KDM4C: variants seen among roughly 807,000 people sequenced by gnomAD.
KDM4C encodes the protein lysine demethylase 4C.
Under a neutral mutation model 129.3 loss-of-function variants are expected in KDM4C, and 81 were observed. The observed-to-expected ratio is 0.63, with a 90% CI of 0.52 to 0.75. KDM4C has a LOEUF of 0.75. KDM4C is among the 30% of genes least tolerant of loss of function. The probability of loss-of-function intolerance (pLI) is 0.00; values close to 1 mark genes in which losing one functional copy is unlikely to be tolerated. For missense variants in KDM4C, 1,457 were observed against 1,304.0 expected (o/e 1.12, Z -1.81); for synonymous variants, 573 against 456.1 (o/e 1.26, Z -3.26).
chr9:6,795,778 C>T (rs1288987086), intron 2 of KDM4C, among the ~76,000 whole-genome samples: 2 of 151,504 alleles, frequency 1.3e-5, no homozygotes, highest in Non-Finnish European at 2.9e-5. Flanking sequence ...TTCAAGCGAT[C>T]CCCCTCCCTC....
intron 5 of KDM4C, among the ~76,000 whole-genome samples, chr9:6,872,089 G>GT (rs1347755661): frequency 6.6e-6 from 1 of 152,170 alleles, no homozygotes; most frequent in African/African-American, 2.4e-5. Context: ...ACCTATGTGA[G>GT]TGATAGAATA....
At chr9:6,796,588 C>G (rs141891972) in intron 2 of KDM4C, among the ~76,000 whole-genome samples, 1 of 152,210 alleles carries the variant, frequency 6.6e-6, no homozygotes, top group Non-Finnish European at 1.5e-5. Flanking sequence ...GCACACAGAG[C>G]ACACCTGCGT....
intron 8 of KDM4C, among the ~76,000 whole-genome samples, chr9:6,969,174 G>GATCT (rs1336437691): frequency 5.3e-5 from 8 of 152,314 alleles, no homozygotes; most frequent in African/African-American, 1.9e-4. Flanking sequence ...GACCTCAAGT[G>GATCT]ATCTGCCTGC....
intron 3 of KDM4C, among the ~76,000 whole-genome samples, chr9:6,810,239 C>G (rs1261630112): frequency 1.3e-5 from 2 of 152,138 alleles, no homozygotes; most frequent in African/African-American, 2.4e-5. Flanking sequence ...TAAATTATTA[C>G]TCTACTGACT....
intron 17 of KDM4C, among the ~76,000 whole-genome samples, chr9:7,077,755 A>G (rs550278970): frequency 9.0e-4 from 137 of 152,332 alleles, no homozygotes; most frequent in African/African-American, 3.2e-3. Context: ...CATCAAGGCA[A>G]CACAGTGCAT....
At chr9:7,139,261 C>T (rs1216210872) in intron 19 of KDM4C, among the ~76,000 whole-genome samples, 2 of 152,128 alleles carry the variant, frequency 1.3e-5, no homozygotes, top group East Asian at 3.9e-4. Flanking sequence ...GGTGACAGGA[C>T]CAGACCCTGT....
chr9:6,887,034 C>T (rs563403968), intron 6 of KDM4C, among the ~76,000 whole-genome samples: 2 of 152,232 alleles, frequency 1.3e-5, no homozygotes, highest in Non-Finnish European at 2.9e-5. Flanking sequence ...ATCTACGCCT[C>T]ATCCTGTCAC....
intron 17 of KDM4C, 81 bp downstream of exon 17, chr9:7,049,281 C>G: frequency 1.6e-6 from 1 of 638,062 alleles, no homozygotes; most frequent in South Asian, 2.2e-5. Flanking sequence ...GCACACATTC[C>G]CAAGGTATAT....
intron 1 of KDM4C, chr9:6,735,059 C>A: frequency 2.2e-6 from 1 of 451,852 alleles, no homozygotes; most frequent in Non-Finnish European, 4.3e-6. Flanking sequence ...AGAGATGCTC[C>A]AAAGTTCAAA....
At chr9:6,946,315 T>G (rs905930454) in intron 8 of KDM4C, among the ~76,000 whole-genome samples, 3 of 152,138 alleles carry the variant, frequency 2.0e-5, no homozygotes, top group African/African-American at 7.2e-5. Context: ...TATATAGAGA[T>G]GTACCTGACA....
At chr9:6,912,410 A>G (rs553591294) in intron 8 of KDM4C, among the ~76,000 whole-genome samples, 19 of 152,316 alleles carry the variant, frequency 1.2e-4, no homozygotes, top group Admixed American at 3.3e-4. Context: ...ATTCCTTGAC[A>G]TGCTTCACAT....
chr9:7,159,072 T>G (rs183669519), intron 19 of KDM4C, among the ~76,000 whole-genome samples: 6 of 152,250 alleles, frequency 3.9e-5, no homozygotes, highest in Non-Finnish European at 5.9e-5. Context: ...TTTTGTTGAA[T>G]TGATCCCTTT....
intron 8 of KDM4C, among the ~76,000 whole-genome samples, chr9:6,936,132 C>G (rs1046147440): frequency 5.9e-5 from 9 of 151,956 alleles, no homozygotes; most frequent in African/African-American, 1.9e-4. Flanking sequence ...GGAGTTTATT[C>G]AAATCCTAGA....
intron 19 of KDM4C, among the ~76,000 whole-genome samples, chr9:7,162,717 T>A (rs1392031595): frequency 1.3e-5 from 2 of 152,066 alleles, no homozygotes; most frequent in East Asian, 1.9e-4. Context: ...GAAGGGCAAA[T>A]CTGTAAAATT....
At chr9:6,750,342 G>A (rs1007723477) in intron 1 of KDM4C, among the ~76,000 whole-genome samples, 3 of 151,914 alleles carry the variant, frequency 2.0e-5, no homozygotes, top group Non-Finnish European at 2.9e-5. Context: ...AGGGGGCTAC[G>A]GCAGGAGAAT....
intron 15 of KDM4C, among the ~76,000 whole-genome samples, chr9:7,021,513 T>C (rs1287433987): frequency 6.6e-6 from 1 of 152,192 alleles, no homozygotes; most frequent in Non-Finnish European, 1.5e-5. Flanking sequence ...ATCAGATTAT[T>C]AGATATTTTT....
Position 7,135,869 on chromosome 9 carries a change from C to T in KDM4C, c.2781+7633C>T, listed in dbSNP as rs377701078. On this transcript the variant is annotated intron_variant, in intron 19 of 21. Transcript: ENST00000381309. ...GTGGCAGACATCTCTCATCAGTGAG[C>T]CCATCTCAGCTTTGGGAAGTCACAT... is the stretch of plus-strand genomic sequence containing the variant. Among the ~76,000 whole-genome samples, 12 of 152,278 alleles carry T rather than the reference C, an allele frequency of 7.9e-5. No individual in the cohort carries two copies. The East Asian group carries it at 1.3e-3, about 17-fold the overall frequency.
intron 4 of KDM4C, among the ~76,000 whole-genome samples, chr9:6,823,318 G>T (rs571858004): frequency 7.9e-5 from 12 of 152,248 alleles, no homozygotes; most frequent in African/African-American, 2.9e-4. Flanking sequence ...GCACCAAAAG[G>T]GGGTAGCTTA....
At chr9:6,780,904 T>C (rs1429627174) in intron 1 of KDM4C, among the ~76,000 whole-genome samples, 3 of 152,156 alleles carry the variant, frequency 2.0e-5, no homozygotes, top group African/African-American at 7.2e-5. Flanking sequence ...GATTTCATTA[T>C]GCCTATGATG....
Sources: gnomAD v4.1 joint callset for allele counts (sites outside exome capture counted in the v4.1 genomes callset) on GRCh38, gnomAD v4.1.1 for gene constraint, MANE v1.5 for transcripts, NCBI Gene and HGNC (gene_info 2026-07-23, HGNC 2026-07-21) for gene names.